The following DMD variants were observed in gnomAD, a reference collection of about 807,000 sequenced individuals.
DMD encodes dystrophin, also known as mutant dystrophin.
Under a neutral mutation model 330.1 loss-of-function variants are expected in DMD, and 63 were observed. The observed-to-expected ratio is 0.19, with a 90% confidence interval of 0.16 to 0.24. The LOEUF (loss-of-function observed/expected upper bound fraction) is 0.24. Ranked by LOEUF, DMD falls within the 10% of genes least tolerant of loss-of-function variation. The probability of loss-of-function intolerance (pLI) is 1.00; values close to 1 mark genes in which losing one functional copy is unlikely to be tolerated. For missense variants in DMD, 3,344 were observed against 2,684.1 expected, an observed-to-expected ratio of 1.25 and a Z score of -5.43; for synonymous variants, 1,223 against 959.8, an observed-to-expected ratio of 1.27 and a Z score of -5.07.
At chrX:32,981,410 G>A (rs1165470280) in intron 2 of DMD, among the ~76,000 whole-genome samples, 1 of 111,329 alleles carries the variant, frequency 9.0e-6, no homozygotes, top group Non-Finnish European at 1.9e-5. Flanking sequence ...ATTTTATGCG[G>A]TTCATAGCAA....
chrX:31,699,148 T>C (rs1234181829), intron 52 of DMD, among the ~76,000 whole-genome samples: 4 of 111,960 alleles, frequency 3.6e-5, no homozygotes, highest in East Asian at 2.8e-4. Context: ...CTCTCAATTA[T>C]AGGGGCGTAA....
rs59690085 is a variant in DMD at position 31,418,031 on chromosome X, T to TA, written c.9084+26449dup. On this transcript the variant is annotated intron_variant, in intron 60 of 78. Coordinates refer to ENST00000357033, the MANE Select transcript of DMD (RefSeq NM_004006.3). ...GTTTCTGCAGAGATCTGTAGAAAAT[T>TA]AAAAAAAAAAAAAAAAGAATGCTGG... 4.0e-3 allele frequency among the ~76,000 whole-genome samples: 364 copies of TA among 90,323 alleles called. 1 individual carries two copies. The highest frequency in any genetic ancestry group is 0.011 in the Middle Eastern group (2 of 181). The allele number at this position is 90,323 out of a possible 115,157, so 78.4% of individuals were successfully genotyped here. A position where few individuals can be genotyped will look rare whatever the true frequency, so the allele number is the denominator to read the frequency against.
rs368501718 is a variant in DMD at position 31,913,118 on chromosome X, C to A, written c.6912+16478G>T. ...AGTGAGGCCATTTTGGACTTTCCAG[C>A]TTTCCCAGTGTCTTGGTTGATATCA... On this transcript the variant is annotated intron_variant, in intron 47 of 78. Transcript: ENST00000357033. 2.3e-4 allele frequency among the ~76,000 whole-genome samples: 26 copies of A among 112,552 alleles called. No homozygotes were observed. In the East Asian group the frequency reaches 6.5e-3, roughly 28 times the overall value.
chrX:31,998,986 T>C (rs973294735), intron 44 of DMD, among the ~76,000 whole-genome samples: 1 of 111,418 alleles, frequency 9.0e-6, no homozygotes, highest in Non-Finnish European at 1.9e-5. Context: ...ATCTCATCAC[T>C]TTCATAGTAG....
intron 18 of DMD, among the ~76,000 whole-genome samples, chrX:32,511,567 T>G (rs1319032361): frequency 9.2e-6 from 1 of 108,500 alleles, no homozygotes; most frequent in African/African-American, 3.3e-5. Context: ...GTCATTAATT[T>G]TCTTCTTGTT....
chrX:31,779,868 A>C (rs1055189661), intron 50 of DMD, among the ~76,000 whole-genome samples: 2 of 112,140 alleles, frequency 1.8e-5, no homozygotes, highest in African/African-American at 6.5e-5. Flanking sequence ...ATAGTTAAGC[A>C]GACAGAAAAT....
chrX:31,911,858 T>C (rs2094551736), intron 47 of DMD, among the ~76,000 whole-genome samples: 1 of 111,449 alleles, frequency 9.0e-6, no homozygotes, highest in Non-Finnish European at 1.9e-5. Context: ...TGTCAACCAT[T>C]TCACAGTTGT....
In DMD at chrX:32,585,699, C is replaced by CAAAAAAAAAAA. The variant is rs61394183; in HGVS notation, c.1602+10047_1602+10057dup. ...TGGGTGACAGAGCAGGACTCCGTCT[C>CAAAAAAAAAAA]AAAAAAAAAAAAAAAAAAAAAAAAA... On this transcript the variant is annotated intron_variant, in intron 13 of 78. Transcript: ENST00000357033. Among the ~76,000 whole-genome samples, 167 of 31,941 alleles carry CAAAAAAAAAAA rather than the reference C, an allele frequency of 5.2e-3. 6 individuals are homozygous for CAAAAAAAAAAA. The highest frequency in any genetic ancestry group is 8.0e-3 in the Non-Finnish European group (144 of 17,965). The allele number at this position is 31,941 out of a possible 115,157, so 27.7% of individuals were successfully genotyped here. A position where few individuals can be genotyped will look rare whatever the true frequency, so the allele number is the denominator to read the frequency against.
intron 60 of DMD, among the ~76,000 whole-genome samples, chrX:31,433,457 TTTC>T (rs1187835838): frequency 9.4e-6 from 1 of 106,435 alleles, no homozygotes; most frequent in African/African-American, 3.6e-5. Flanking sequence ...TTTTTCTTTC[TTTC>T]TTTTTTTTTT....
intron 1 of DMD, among the ~76,000 whole-genome samples, chrX:33,221,884 C>G (rs987509540): frequency 1.8e-5 from 2 of 110,395 alleles, no homozygotes; most frequent in Admixed American, 2.0e-4. Context: ...TTTGGATATA[C>G]TAGATAATGA....
chrX:32,889,034 C>T (rs2084937528), intron 2 of DMD, among the ~76,000 whole-genome samples: 1 of 109,881 alleles, frequency 9.1e-6, no homozygotes, highest in Non-Finnish European at 1.9e-5. Flanking sequence ...AGAGTGTGTT[C>T]CTGAGAGGAG....
rs2091578094 is a variant in DMD at position 31,791,699 on chromosome X, G to C, written c.7310-17507C>G. Among the ~76,000 whole-genome samples the C allele has an allele frequency of 2.7e-5, 3 of 111,684 alleles. No individual in the cohort carries two copies. The South Asian group carries it at 1.1e-3, about 41-fold the overall frequency. On this transcript the variant is annotated intron_variant, in intron 50 of 78. Coordinates refer to ENST00000357033, the MANE Select transcript of DMD (RefSeq NM_004006.3). ...CTCTTTACAAAATAAATTTATCCTT[G>C]TTGTTTCTTAGACTTTTTTTTGCAC...
chrX:32,952,334 G>A (rs1424585071), intron 2 of DMD, among the ~76,000 whole-genome samples: 2 of 110,165 alleles, frequency 1.8e-5, no homozygotes, highest in Non-Finnish European at 3.8e-5. Context: ...GGATTTCACC[G>A]CGTTGGTCAG....
chrX:31,861,503 G>A (rs1390823299), intron 48 of DMD, among the ~76,000 whole-genome samples: 6 of 105,830 alleles, frequency 5.7e-5, no homozygotes, highest in Non-Finnish European at 1.2e-4. Flanking sequence ...GCCAAAAGTC[G>A]AAACAAACTA....
In DMD at chrX:31,968,313, C is replaced by A. The variant is rs3761604; in HGVS notation, c.6614+26G>T. 392,528 of 1,203,098 alleles carry A rather than the reference C, an allele frequency of 0.33. 43,876 individuals are homozygous for A. Among genetic ancestry groups the A allele is most frequent in the East Asian group, 0.49 (16,384 of 33,629 alleles). The stretch of plus-strand genomic sequence containing the variant: ...CTTAAAAAGTCTGCTAAAATGTTTT[C>A]ATTCCTATTAGATCTGTCGCCCTAC... On this transcript the variant is annotated intron_variant, in intron 45 of 78. Coordinates refer to ENST00000357033, the MANE Select transcript of DMD (RefSeq NM_004006.3).
chrX:33,272,664 GA>G (rs113135101), intron 1 of DMD, among the ~76,000 whole-genome samples: 14,382 of 84,474 alleles, frequency 0.17, 1,617 homozygotes, highest in East Asian at 0.52. Context: ...ACATCAAAAT[GA>G]AAAAAAAAAA....
At chrX:31,170,332 G>A (rs2039866268) in intron 73 of DMD, among the ~76,000 whole-genome samples, 1 of 110,735 alleles carries the variant, frequency 9.0e-6, no homozygotes, top group African/African-American at 3.3e-5. Context: ...GACTAATCTT[G>A]CGGGAAAAGG....
chrX:31,755,016 T>C (rs912022564), intron 51 of DMD, among the ~76,000 whole-genome samples: 1 of 111,917 alleles, frequency 8.9e-6, no homozygotes, highest in Non-Finnish European at 1.9e-5. Flanking sequence ...ATATCTATAA[T>C]ATACTTATAT....
chrX:32,082,493 A>T (rs1324461537), intron 44 of DMD, among the ~76,000 whole-genome samples: 1 of 111,205 alleles, frequency 9.0e-6, no homozygotes, highest in Non-Finnish European at 1.9e-5. Context: ...GCTAGCCTCA[A>T]GCGATCCTTA....
Sources: allele counts gnomAD v4.1 joint callset (sites outside exome capture counted in the v4.1 genomes callset), GRCh38; gene constraint gnomAD v4.1.1; transcripts MANE v1.5; gene names NCBI Gene and HGNC (gene_info 2026-07-23, HGNC 2026-07-21).